MUC17: variants seen among roughly 807,000 people sequenced by gnomAD.
MUC17 encodes the protein mucin-17.
A neutral mutation model predicts 170.3 loss-of-function variants in MUC17; 190 were observed. The ratio of observed to expected loss-of-function variants is 1.12; its 90% CI spans 0.99 to 1.26. MUC17 has a LOEUF of 1.26. MUC17 is among the 50% of genes most tolerant of loss of function. The pLI is 0.00. For missense variants in MUC17, 6,415 were observed against 5,530.0 expected (o/e 1.16, Z -5.08); for synonymous variants, 2,325 against 2,002.5 (o/e 1.16, Z -4.30).
At chr7:101,054,846 G>T (rs143969516) in intron 11 of MUC17, among the ~76,000 whole-genome samples, 1 of 152,084 alleles carries the variant, frequency 6.6e-6, no homozygotes. Context: ...AAAAAATGTG[G>T]CTCATGCCTG....
At chr7:101,054,057 CAAAAAAAAAAAAAAAAAAAAA>C (rs58623975) in intron 11 of MUC17, among the ~76,000 whole-genome samples, 8 of 40,382 alleles carry the variant, frequency 2.0e-4, no homozygotes, top group South Asian at 2.1e-3. Context: ...AAGACCCTGT[CAAAAAAAAAAAAAAAAAAAAA>C]AAAAAAAAAA....
At position 101,038,877 on chromosome 7, in the gene MUC17, G is replaced by A. The variant is rs147944556; in HGVS notation, c.7461G>A (p.Met2487Ile). ...CTCCTGTTGACACCAGCACACCTAT[G>A]ACCACTTCTACTGAAGCCAGTTCAT... is the stretch of plus-strand genomic sequence containing the variant. ...STTPVDTSTP[M>I]TTSTEASSSP... The change falls in exon 3 of 13, where the codon ATG (methionine) becomes ATA (isoleucine). Residue 2487 changes from methionine (M) to isoleucine (I), a missense_variant. Coordinates refer to ENST00000306151, the MANE Select transcript of MUC17 (RefSeq NM_001040105.2). 1.2e-6 allele frequency: 2 copies of A among 1,609,802 alleles called. No individual in the cohort carries two copies. The highest frequency in any genetic ancestry group is 8.5e-7 in the Non-Finnish European group (1 of 1,178,836).
intron 1 of MUC17, among the ~76,000 whole-genome samples, chr7:101,023,816 G>A (rs866482193): frequency 2.4e-4 from 36 of 152,110 alleles, no homozygotes; most frequent in South Asian, 4.1e-4. Flanking sequence ...TTTCTATAGA[G>A]GTTGTACTGA....
rs1794317619 is a variant in MUC17 at position 101,032,523 on chromosome 7, T to A, written c.1107T>A (p.Thr369=). The A allele has an allele frequency of 1.2e-6, 2 of 1,614,066 alleles. No individual in the cohort carries two copies. The highest frequency in any genetic ancestry group is 2.7e-5 in the African/African-American group (2 of 74,922). The change falls in exon 3 of 13, where the codon ACT becomes ACA. Residue 369 remains threonine (T), a synonymous_variant. Transcript: ENST00000306151. ...VDTSTLVTTS[T]EPSSLPTTAE... ...CCAGCACACTTGTGACCACTTCTAC[T>A]GAACCCAGTTCACTTCCTACAACTG...
Position 101,035,049 on chromosome 7 carries a change from C to A in MUC17, c.3633C>A (p.Thr1211=), listed in dbSNP as rs1187507942. 3 of 1,613,998 alleles carry A rather than the reference C, an allele frequency of 1.9e-6. No individual in the cohort carries two copies. Among genetic ancestry groups the A allele is most frequent in the African/African-American group, 2.7e-5 (2 of 74,936 alleles). Reference sequence around the variant, plus strand: ...CTGCTGAAGTTACCAGCATGCCAACCTCAACTCCTGGAGAAAGAAGCACTC... The same window carrying A: ...CTGCTGAAGTTACCAGCATGCCAACATCAACTCCTGGAGAAAGAAGCACTC... ...PPTAEVTSMP[T]STPGERSTPL... The change falls in exon 3 of 13, where the codon ACC becomes ACA. Residue 1211 remains threonine (T), a synonymous_variant. Transcript: ENST00000306151.
intron 1 of MUC17, 116 bp from the exon 2 acceptor site, chr7:101,031,004 G>C (rs1794268982): frequency 7.9e-7 from 1 of 1,273,370 alleles, no homozygotes; most frequent in South Asian, 2.0e-5. Context: ...ACTAAAATCA[G>C]CAGGCTGGTT....
rs973705975 is a variant in MUC17, at chr7:101,033,664, A to G, written c.2248A>G (p.Thr750Ala). Residue 750 changes from threonine to alanine, a missense_variant, in exon 3 of 13, where the codon ACA becomes GCA. By Grantham distance (58) the Thr-to-Ala change is moderately conservative. Transcript: ENST00000306151. ...STPSEGSTPL[T>A]SMPVSKTLLT... ...TCCTAGTGAAGGAAGCACTCCATTA[A>G]CAAGTATGCCTGTCAGCAAAACGCT... 4 of 1,613,542 alleles carry G rather than the reference A, an allele frequency of 2.5e-6. No individual in the cohort carries two copies. The African/African-American group carries it at 5.3e-5, about 22-fold the overall frequency.
At position 101,053,515 on chromosome 7, in the gene MUC17, C is replaced by G. The variant is rs1237633977; in HGVS notation, c.13363+79C>G. The stretch of plus-strand genomic sequence containing the variant: ...GGTGCGGTGGGCTCACATCTGTAAT[C>G]CCAGCACTTTGAAAGGCCAAGGCAG... On this transcript the variant is annotated intron_variant, in intron 11 of 12. Coordinates refer to ENST00000306151, the MANE Select transcript of MUC17 (RefSeq NM_001040105.2). The G allele has an allele frequency of 2.6e-6, 3 of 1,159,506 alleles. No individual in the cohort carries two copies. In the East Asian group the frequency reaches 7.5e-5, roughly 29 times the overall value. The allele number at this position is 1,159,506 out of a possible 1,614,324, so 71.8% of individuals were successfully genotyped here. A position where few individuals can be genotyped will look rare whatever the true frequency, so the allele number is the denominator to read the frequency against.
intron 3 of MUC17, among the ~76,000 whole-genome samples, chr7:101,046,168 C>A (rs1411370911): frequency 6.6e-6 from 1 of 152,146 alleles, no homozygotes; most frequent in East Asian, 1.9e-4. Flanking sequence ...TGTCTTGGAG[C>A]AAAAGCCCAT....
chr7:101,042,601 A>G lies in MUC17; in HGVS notation c.11185A>G (p.Thr3729Ala). 4 of 1,614,114 alleles carry G rather than the reference A, an allele frequency of 2.5e-6. No individual in the cohort carries two copies. Among genetic ancestry groups the G allele is most frequent in the Non-Finnish European group, 3.4e-6 (4 of 1,180,032 alleles). Residue 3729 changes from threonine (T) to alanine (A), a missense_variant, in exon 3 of 13, where the codon ACT becomes GCT. Physicochemically the swap from Thr to Ala is moderately conservative, Grantham distance 58. Transcript: ENST00000306151. ...CACCAGCACACCTGTGACCACTTCTACTGAAGCCATTTCATCTTCTGCAAC... is the reference window on the plus strand; with the variant it reads ...CACCAGCACACCTGTGACCACTTCTGCTGAAGCCATTTCATCTTCTGCAAC... ...VVTSTPVTTS[T>A]EAISSSATLD...
In MUC17 at chr7:101,032,192, C is replaced by G; in HGVS notation, c.776C>G (p.Thr259Ser). The G allele has an allele frequency of 6.2e-7, 1 of 1,614,222 alleles. No individual in the cohort carries two copies. Among genetic ancestry groups the G allele is most frequent in the South Asian group, 1.1e-5 (1 of 91,080 alleles). Residue 259 changes from threonine to serine, a missense_variant, in exon 3 of 13, where the codon ACT (threonine) becomes AGT (serine). Physicochemically the swap from Thr to Ser is moderately conservative, Grantham distance 58. Transcript: ENST00000306151. ...GCTCAAGCCAGTTCATCTCCTACAACTGCTGAAGGTCCCAGCCTGTCAAAC... is the reference window on the plus strand; with the variant it reads ...GCTCAAGCCAGTTCATCTCCTACAAGTGCTGAAGGTCCCAGCCTGTCAAAC... ...ISAQASSSPT[T>S]AEGPSLSNSA...
In MUC17 at chr7:101,058,548, A is replaced by G. The variant is rs1795093534; in HGVS notation, c.*504A>G. 6.5e-6 allele frequency: 1 copy of G among 152,810 alleles called. No individual in the cohort carries two copies. Among genetic ancestry groups the G allele is most frequent in the African/African-American group, 2.4e-5 (1 of 41,454 alleles). The allele number at this position is 152,810 out of a possible 1,614,324, so 9.5% of individuals were successfully genotyped here. ...TGCTAGCACTTCCAAACAAGCTCAG[A>G]GATGTTCCTCCCCTCATCTGCCCGG... On this transcript the variant is annotated 3_prime_UTR_variant, in exon 13 of 13. Transcript: ENST00000306151.
Position 101,039,760 on chromosome 7 carries a change from G to A in MUC17, c.8344G>A (p.Val2782Ile), listed in dbSNP as rs368075944. The change falls in exon 3 of 13, where the codon GTC (valine) becomes ATC (isoleucine). Residue 2782 changes from valine (V) to isoleucine (I), a missense_variant. Coordinates refer to ENST00000306151, the MANE Select transcript of MUC17 (RefSeq NM_001040105.2). ...STTAVDTSIP[V>I]TTSTEASSSP... is the part of the protein sequence containing the mutation. Reference sequence around the variant, plus strand: ...AACTGCTGTTGACACCAGCATACCTGTCACCACTTCTACTGAAGCCAGTTC... The same window carrying A: ...AACTGCTGTTGACACCAGCATACCTATCACCACTTCTACTGAAGCCAGTTC... 9.3e-6 allele frequency: 15 copies of A among 1,610,106 alleles called. No individual in the cohort carries two copies. The highest frequency in any genetic ancestry group is 1.3e-5 in the African/African-American group (1 of 74,438).
rs1338804815 is a variant in MUC17 at position 101,050,536 on chromosome 7, C to A, written c.12775C>A (p.Pro4259Thr). Residue 4259 changes from proline (P) to threonine (T), a missense_variant, in exon 7 of 13, where the codon CCA (proline) becomes ACA (threonine). By Grantham distance (38) the Pro-to-Thr change is conservative. Coordinates refer to ENST00000306151, the MANE Select transcript of MUC17 (RefSeq NM_001040105.2). ...HDVLLRTKYTPEYKTVLDNAT... is the reference protein window; with the variant it reads ...HDVLLRTKYTTEYKTVLDNAT... ...CGTCCTCCTAAGAACCAAGTACACA[C>A]CAGAATACAAGACAGTATTGGACAA... 1.2e-5 allele frequency: 19 copies of A among 1,614,096 alleles called. No individual in the cohort carries two copies. Among genetic ancestry groups the A allele is most frequent in the Non-Finnish European group, 1.6e-5 (19 of 1,179,990 alleles).
Position 101,031,594 on chromosome 7 carries a change from TAAAC to T in MUC17, c.185-5_185-2del. ...TTCTAAACAAAATATCATTGTATCT[TAAAC>T]AGGTTCTGCGGCAAACACCGCCACA... On this transcript the variant is annotated splice_polypyrimidine_tract_variant and splice_region_variant and intron_variant, in intron 2 of 12. Transcript: ENST00000306151. 1 of 1,524,348 alleles carries T rather than the reference TAAAC, an allele frequency of 6.6e-7. No homozygotes were observed. Among genetic ancestry groups the T allele is most frequent in the Non-Finnish European group, 8.8e-7 (1 of 1,138,220 alleles). The allele number at this position is 1,524,348 out of a possible 1,614,324, so 94.4% of individuals were successfully genotyped here. A position where few individuals can be genotyped will look rare whatever the true frequency, so the allele number is the denominator to read the frequency against.
chr7:101,026,368 C>T (rs368225347), intron 1 of MUC17, among the ~76,000 whole-genome samples: 11 of 152,288 alleles, frequency 7.2e-5, no homozygotes, highest in African/African-American at 2.4e-4. Context: ...CATGAAGCCT[C>T]GTTGGCCTTG....
Position 101,043,703 on chromosome 7 carries a change from C to A in MUC17, c.12287C>A (p.Thr4096Lys). 6.2e-7 allele frequency: 1 copy of A among 1,614,198 alleles called. No individual in the cohort carries two copies. Among genetic ancestry groups the A allele is most frequent in the Non-Finnish European group, 8.5e-7 (1 of 1,180,050 alleles). ...GCTGTCACCACCATGACCACCAGGA[C>A]AAAACCCAGCACACGGACCACTTCC... ...PEAVTTMTTR[T>K]KPSTRTTSFP... Residue 4096 changes from threonine to lysine, a missense_variant, in exon 3 of 13, where the codon ACA becomes AAA. Transcript: ENST00000306151.
chr7:101,028,715 CA>C (rs937813989), intron 1 of MUC17, among the ~76,000 whole-genome samples: 59 of 130,292 alleles, frequency 4.5e-4, no homozygotes, highest in African/African-American at 8.2e-4. Context: ...CCTGTCTCTA[CA>C]AAAAAAAAAA....
In MUC17 at chr7:101,035,977, G is replaced by A; in HGVS notation, c.4561G>A (p.Val1521Ile). The change falls in exon 3 of 13, where the codon GTC (valine) becomes ATC (isoleucine). Residue 1521 changes from valine to isoleucine, a missense_variant. Coordinates refer to ENST00000306151, the MANE Select transcript of MUC17 (RefSeq NM_001040105.2). ...AAGCACTGCATTAACAAGTATACCTGTCAGCACCACAACAGTGGCCAGTTC... is the reference window on the plus strand; with the variant it reads ...AAGCACTGCATTAACAAGTATACCTATCAGCACCACAACAGTGGCCAGTTC... ...EGSTALTSIP[V>I]STTTVASSEI... 1 of 1,612,118 alleles carries A rather than the reference G, an allele frequency of 6.2e-7. No individual in the cohort carries two copies. The highest frequency in any genetic ancestry group is 8.5e-7 in the Non-Finnish European group (1 of 1,178,778).
Sources: gnomAD v4.1 joint callset for allele counts (sites outside exome capture counted in the v4.1 genomes callset) on GRCh38, gnomAD v4.1.1 for gene constraint, MANE v1.5 for transcripts, NCBI Gene and HGNC (gene_info 2026-07-23, HGNC 2026-07-21) for gene names.